The following PRP4K variants were observed in gnomAD, a reference collection of about 807,000 sequenced individuals.
PRP4K encodes serine/threonine-protein kinase PRP4 homolog.
At chr6:4,061,840 G>A in the PRP4K span, 12 of 152,624 alleles carry the variant, frequency 7.9e-5, no homozygotes, top group East Asian at 3.9e-4. Flanking sequence ...ATGTGAAGTG[G>A]ACCATGCAGA....
chr6:4,056,560 C>G, the PRP4K span: 88 of 1,599,414 alleles, frequency 5.5e-5, no homozygotes, highest in South Asian at 9.8e-4. Flanking sequence ...GGAAGGGAAC[C>G]ATAGCAAGTT....
chr6:4,048,970 T>C, the PRP4K span: 3 of 1,413,132 alleles, frequency 2.1e-6, no homozygotes, highest in Non-Finnish European at 2.9e-6. Flanking sequence ...GTGCGTTAAA[T>C]GTCTGACAAG....
At chr6:4,034,539 T>C in the PRP4K span, among the ~76,000 whole-genome samples, 5 of 152,214 alleles carry the variant, frequency 3.3e-5, no homozygotes, top group African/African-American at 4.8e-5. Context: ...GAACTGCCCC[T>C]TTTCCTGAAA....
At chr6:4,057,614 AGGTACCTTTCTT>A in the PRP4K span, among the ~76,000 whole-genome samples, 1 of 152,200 alleles carries the variant, frequency 6.6e-6, no homozygotes, top group African/African-American at 2.4e-5. Flanking sequence ...TGAGAAAGTA[AGGTACCTTTCTT>A]GGTACCTTTT....
At chr6:4,025,840 G>A in the PRP4K span, among the ~76,000 whole-genome samples, 3 of 152,214 alleles carry the variant, frequency 2.0e-5, no homozygotes, top group Non-Finnish European at 4.4e-5. Flanking sequence ...TGAAATGTAA[G>A]TAATTTTGAA....
the PRP4K span, among the ~76,000 whole-genome samples, chr6:4,029,238 G>A: frequency 1.0e-2 from 1,511 of 151,268 alleles, 30 homozygotes; most frequent in African/African-American, 0.035. Context: ...CTTGAAGTTT[G>A]CTATATATAA....
the PRP4K span, among the ~76,000 whole-genome samples, chr6:4,040,103 C>A: frequency 6.6e-6 from 1 of 151,664 alleles, no homozygotes; most frequent in African/African-American, 2.4e-5. Context: ...CCAGGCTGGT[C>A]TCAAACTCCC....
At chr6:4,022,077 G>GT in the PRP4K span, among the ~76,000 whole-genome samples, 1 of 151,412 alleles carries the variant, frequency 6.6e-6, no homozygotes, top group Non-Finnish European at 1.5e-5. Flanking sequence ...TTTGTTTTGA[G>GT]TGCCTACCGG....
the PRP4K span, chr6:4,064,041 T>G: frequency 1.3e-5 from 2 of 152,142 alleles, no homozygotes; most frequent in Non-Finnish European, 2.9e-5. Context: ...TAGACTTTAT[T>G]CTTGAAGATC....
chr6:4,023,853 A>G, the PRP4K span, among the ~76,000 whole-genome samples: 6 of 149,428 alleles, frequency 4.0e-5, no homozygotes, highest in East Asian at 1.0e-3. Flanking sequence ...CCACAGGCAT[A>G]TGACACCATG....
the PRP4K span, among the ~76,000 whole-genome samples, chr6:4,045,479 A>G: frequency 6.6e-6 from 1 of 152,218 alleles, no homozygotes; most frequent in Non-Finnish European, 1.5e-5. Context: ...CAGCACACTT[A>G]CTAGTGTCTG....
chr6:4,041,856 A>G, the PRP4K span, among the ~76,000 whole-genome samples: 1 of 152,256 alleles, frequency 6.6e-6, no homozygotes, highest in Non-Finnish European at 1.5e-5. Context: ...CATTCTACAT[A>G]GATTCTGATA....
At chr6:4,027,097 A>T in the PRP4K span, among the ~76,000 whole-genome samples, 2 of 152,180 alleles carry the variant, frequency 1.3e-5, no homozygotes, top group African/African-American at 4.8e-5. Flanking sequence ...GCTCTGAATA[A>T]GGTAGAAAGC....
the PRP4K span, among the ~76,000 whole-genome samples, chr6:4,054,082 T>TAAAAA: frequency 6.6e-6 from 1 of 151,926 alleles, no homozygotes; most frequent in East Asian, 1.9e-4. Context: ...ACTGCCTAAT[T>TAAAAA]AAAAAAAATT....
At chr6:4,056,365 G>A in the PRP4K span, 149 of 1,613,826 alleles carry the variant, frequency 9.2e-5, no homozygotes, top group Non-Finnish European at 1.2e-4. Context: ...ATTTTGGGTC[G>A]GCTTCACATG....
the PRP4K span, chr6:4,064,682 C>T: frequency 6.6e-6 from 1 of 152,524 alleles, no homozygotes; most frequent in African/African-American, 2.4e-5. Flanking sequence ...GAAATGTTCA[C>T]GACAAATTCA....
At chr6:4,059,021 A>G in the PRP4K span, 1 of 478,724 alleles carries the variant, frequency 2.1e-6, no homozygotes, top group South Asian at 2.9e-5. Flanking sequence ...ATTTATTTTT[A>G]TTATAGGTCA....
At chr6:4,024,697 G>C in the PRP4K span, among the ~76,000 whole-genome samples, 1 of 152,118 alleles carries the variant, frequency 6.6e-6, no homozygotes, top group African/African-American at 2.4e-5. Flanking sequence ...CTGCGTCCCA[G>C]GTTCAAGTGA....
the PRP4K span, among the ~76,000 whole-genome samples, chr6:4,033,312 T>C: frequency 6.6e-6 from 1 of 152,212 alleles, no homozygotes; most frequent in African/African-American, 2.4e-5. Flanking sequence ...TGTTGAAAAG[T>C]AGTATCTCTT....
Sources: gnomAD v4.1 joint callset for allele counts (sites outside exome capture counted in the v4.1 genomes callset) on GRCh38, gnomAD v4.1.1 for gene constraint, MANE v1.5 for transcripts, NCBI Gene and HGNC (gene_info 2026-07-23, HGNC 2026-07-21) for gene names.